Variants in C19orf38 observed in about 807,000 individuals in gnomAD.
C19orf38 encodes protein HIDE1.
A neutral mutation model predicts 26.6 loss-of-function variants in C19orf38; 14 were observed. That is an observed-to-expected ratio of 0.53 (90% CI 0.35 to 0.82). The LOEUF is 0.82. Among genes scored for constraint, C19orf38 ranks in the 40% least tolerant of loss-of-function variants. The pLI is 0.01. For synonymous variants in C19orf38, 132 were observed against 128.5 expected (o/e 1.03, Z -0.18); for missense variants, 261 against 299.5 (o/e 0.87, Z 0.95).
At chr19:10,856,504 A>T in intron 3 of C19orf38, 147 bp downstream of exon 3, 4 of 482,120 alleles carry the variant, frequency 8.3e-6, no homozygotes, top group Middle Eastern at 5.0e-4. Context: ...TTATTTATTT[A>T]TTTATTATTT....
intron 1 of C19orf38, among the ~76,000 whole-genome samples, chr19:10,840,920 C>A (rs1401415343): frequency 6.6e-6 from 1 of 152,164 alleles, no homozygotes; most frequent in African/African-American, 2.4e-5. Flanking sequence ...CAGGCGTGGG[C>A]CACTGTGACC....
chr19:10,864,975 G>C (rs1445313855), intron 6 of C19orf38, among the ~76,000 whole-genome samples: 1 of 152,084 alleles, frequency 6.6e-6, no homozygotes, highest in Non-Finnish European at 1.5e-5. Context: ...GGAAGGAAGG[G>C]GGCTTGGCAC....
At position 10,838,991 on chromosome 19, in the gene C19orf38, C is replaced by T. The variant is rs922212717; in HGVS notation, c.-69+2221C>T. Among the ~76,000 whole-genome samples, 8 of 151,874 alleles carry T rather than the reference C, an allele frequency of 5.3e-5. No individual in the cohort carries two copies. The South Asian group carries it at 1.3e-3, about 24-fold the overall frequency. On this transcript the variant is annotated intron_variant, in intron 1 of 7. Transcript: ENST00000592854. The stretch of plus-strand genomic sequence containing the variant: ...GTGCAGTGGCGTGACCTAGGCTCTC[C>T]GCAACCTCCGCCTCCCAGGTTCAAG...
At chr19:10,842,423 G>A (rs993476308) in intron 1 of C19orf38, among the ~76,000 whole-genome samples, 1 of 152,016 alleles carries the variant, frequency 6.6e-6, no homozygotes, top group African/African-American at 2.4e-5. Context: ...ACCATGCCTG[G>A]CTAATTTTTT....
intron 6 of C19orf38, 26 bp from the exon 7 acceptor site, chr19:10,869,192 C>G: frequency 6.4e-7 from 1 of 1,551,536 alleles, no homozygotes; most frequent in Admixed American, 2.0e-5. Flanking sequence ...TCACCCACTT[C>G]TGTGTTTCTT....
intron 6 of C19orf38, among the ~76,000 whole-genome samples, chr19:10,867,498 A>G (rs1159221834): frequency 1.3e-5 from 2 of 150,768 alleles, no homozygotes; most frequent in Non-Finnish European, 3.0e-5. Flanking sequence ...CATGCCTGTA[A>G]TACCAGCTAC....
rs151007610 is a variant in C19orf38, at chr19:10,857,662, C to A, written c.434-654C>A. Among the ~76,000 whole-genome samples the A allele has an allele frequency of 8.2e-3, 1,237 of 151,430 alleles. 19 individuals are homozygous for A. Among genetic ancestry groups the A allele is most frequent in the African/African-American group, 0.028 (1,172 of 41,286 alleles). On this transcript the variant is annotated intron_variant, in intron 3 of 6. Transcript: ENST00000397820. ...CTTTGGGAGGCCGAGGTGGGCAGAT[C>A]GCGAGGTCAGGAGTTTGAGACCAGC...
intron 2 of C19orf38, among the ~76,000 whole-genome samples, chr19:10,855,209 T>A (rs1440293526): frequency 6.6e-6 from 1 of 151,800 alleles, no homozygotes; most frequent in African/African-American, 2.4e-5. Flanking sequence ...ATTTTTGTAT[T>A]TTTAGTAGAG....
intron 1 of C19orf38, among the ~76,000 whole-genome samples, chr19:10,837,729 G>A (rs1030651154): frequency 2.6e-5 from 4 of 151,732 alleles, no homozygotes. Context: ...GGATGGTCTC[G>A]ATATCCTGAC....
chr19:10,869,184 AC>A (rs766689265), intron 6 of C19orf38, 33 bp from the exon 7 acceptor site: 1 of 1,551,004 alleles, frequency 6.4e-7, no homozygotes, highest in South Asian at 1.2e-5. Context: ...ACCCCAAATC[AC>A]CCACTTCTGT....
upstream of C19orf38, among the ~76,000 whole-genome samples, chr19:10,846,611 G>T (rs2073520556): frequency 6.6e-6 from 1 of 152,108 alleles, no homozygotes; most frequent in African/African-American, 2.4e-5. Flanking sequence ...ACAATGATTA[G>T]CTCCTAGGAA....
upstream of C19orf38, among the ~76,000 whole-genome samples, chr19:10,846,921 G>C (rs1323018790): frequency 6.6e-6 from 1 of 152,172 alleles, no homozygotes; most frequent in Non-Finnish European, 1.5e-5. Context: ...AGGAGAAGCA[G>C]GATTTGACCA....
chr19:10,864,902 C>G (rs1461840692), intron 6 of C19orf38, among the ~76,000 whole-genome samples: 1 of 152,084 alleles, frequency 6.6e-6, no homozygotes, highest in Admixed American at 6.6e-5. Flanking sequence ...AGAGGGGAGT[C>G]TACAGTTCAG....
intron 1 of C19orf38, among the ~76,000 whole-genome samples, chr19:10,842,851 C>T (rs916513980): frequency 2.6e-5 from 4 of 152,212 alleles, no homozygotes; most frequent in Non-Finnish European, 4.4e-5. Context: ...CCCTACCACC[C>T]GCAAGGGCAT....
chr19:10,844,370 T>C (rs1406753797), upstream of C19orf38, among the ~76,000 whole-genome samples: 147 of 141,572 alleles, frequency 1.0e-3, no homozygotes, highest in East Asian at 8.3e-4. Context: ...ACCACTTCAC[T>C]CCAGCCTGGG....
intron 1 of C19orf38, 124 bp downstream of exon 1, chr19:10,848,663 C>A: frequency 2.3e-6 from 2 of 882,828 alleles, no homozygotes; most frequent in South Asian, 3.1e-5. Context: ...GGAGGCTGAG[C>A]CCTTGGCAGA....
chr19:10,847,369 C>CTTTTTT (rs918277367), upstream of C19orf38, among the ~76,000 whole-genome samples: 9 of 125,930 alleles, frequency 7.1e-5, no homozygotes, highest in Non-Finnish European at 1.0e-4. Context: ...GTCCACTGCT[C>CTTTTTT]TTTTTTTTTT....
intron 4 of C19orf38, among the ~76,000 whole-genome samples, chr19:10,859,244 A>ATGTGTG (rs35791729): frequency 1.8e-4 from 21 of 119,430 alleles, no homozygotes; most frequent in African/African-American, 4.8e-4. Flanking sequence ...GCTTTTATAT[A>ATGTGTG]TGTGTGTGTG....
intron 5 of C19orf38, 122 bp downstream of exon 5, chr19:10,860,080 A>T (rs923553388): frequency 1.0e-6 from 1 of 1,004,586 alleles, no homozygotes; most frequent in Non-Finnish European, 1.5e-6. Flanking sequence ...GGGTCAAAAC[A>T]CACCCTCGCC....
Sources: allele counts gnomAD v4.1 joint callset (sites outside exome capture counted in the v4.1 genomes callset), GRCh38; gene constraint gnomAD v4.1.1; transcripts MANE v1.5; gene names NCBI Gene and HGNC (gene_info 2026-07-23, HGNC 2026-07-21).